MYO1D: variants seen among roughly 807,000 people sequenced by gnomAD.
MYO1D encodes unconventional myosin-Id.
Under a neutral mutation model 122.0 loss-of-function variants are expected in MYO1D, and 83 were observed. The observed-to-expected ratio is 0.68, with a 90% CI of 0.57 to 0.82. The LOEUF (loss-of-function observed/expected upper bound fraction) is 0.82, where lower values mean the gene tolerates loss of function less well. Among genes scored for constraint, MYO1D ranks in the 40% least tolerant of loss-of-function variants. The probability of loss-of-function intolerance (pLI) is 0.00; values close to 1 mark genes in which losing one functional copy is unlikely to be tolerated. For missense variants in MYO1D, 1,157 were observed against 1,269.5 expected (o/e 0.91, Z 1.35); for synonymous variants, 464 against 446.9 (o/e 1.04, Z -0.48).
intron 11 of MYO1D, among the ~76,000 whole-genome samples, chr17:32,750,161 A>G (rs2089883433): frequency 6.6e-6 from 1 of 152,220 alleles, no homozygotes; most frequent in African/African-American, 2.4e-5. Context: ...GAAGAGGAAT[A>G]GTTTATGGGA....
chr17:32,528,937 G>A (rs935008465), intron 21 of MYO1D: 2 of 152,270 alleles, frequency 1.3e-5, no homozygotes, highest in Non-Finnish European at 2.9e-5. Context: ...AAACATGTCT[G>A]TGGTTTAAAG....
intron 21 of MYO1D, among the ~76,000 whole-genome samples, chr17:32,566,255 G>T (rs2087172759): frequency 6.6e-6 from 1 of 152,196 alleles, no homozygotes; most frequent in South Asian, 2.1e-4. Flanking sequence ...AAACCAGAGT[G>T]CTAGAAGACG....
At chr17:32,712,899 AT>A (rs906908973) in intron 15 of MYO1D, among the ~76,000 whole-genome samples, 22 of 152,234 alleles carry the variant, frequency 1.4e-4, no homozygotes, top group African/African-American at 5.1e-4. Context: ...GTGACATCCT[AT>A]CACTTTTGCC....
chr17:32,845,179 C>T (rs2090924548), intron 1 of MYO1D, among the ~76,000 whole-genome samples: 1 of 152,094 alleles, frequency 6.6e-6, no homozygotes, highest in Non-Finnish European at 1.5e-5. Context: ...ATTAAGACCA[C>T]ATACTATTTT....
chr17:32,562,976 A>G (rs1327990822), intron 21 of MYO1D, among the ~76,000 whole-genome samples: 1 of 152,166 alleles, frequency 6.6e-6, no homozygotes, highest in African/African-American at 2.4e-5. Context: ...ATTTATATCA[A>G]TTACCTCTCA....
chr17:32,761,903 G>A (rs1391415573), intron 8 of MYO1D, among the ~76,000 whole-genome samples: 1 of 152,142 alleles, frequency 6.6e-6, no homozygotes, highest in African/African-American at 2.4e-5. Flanking sequence ...TATATAGTTT[G>A]TTAGAGATAC....
chr17:32,570,518 A>AT (rs926440303), intron 21 of MYO1D, among the ~76,000 whole-genome samples: 2 of 151,824 alleles, frequency 1.3e-5, no homozygotes, highest in Admixed American at 6.6e-5. Flanking sequence ...CACCCGCCAC[A>AT]TTTTTTTGTA....
At chr17:32,547,232 A>G (rs1484362192) in intron 21 of MYO1D, among the ~76,000 whole-genome samples, 1 of 152,170 alleles carries the variant, frequency 6.6e-6, no homozygotes, top group African/African-American at 2.4e-5. Flanking sequence ...TCAAAGCAGC[A>G]ATCAAGTCTT....
intron 13 of MYO1D, among the ~76,000 whole-genome samples, chr17:32,739,436 T>A (rs2089748028): frequency 7.4e-6 from 1 of 134,994 alleles, no homozygotes. Flanking sequence ...AGGTGGGAAT[T>A]GAACAATGAG....
At chr17:32,575,660 C>G (rs1567895486) in intron 21 of MYO1D, among the ~76,000 whole-genome samples, 1 of 152,110 alleles carries the variant, frequency 6.6e-6, no homozygotes, top group African/African-American at 2.4e-5. Context: ...GTGTGTTTCT[C>G]CTAACTTTGT....
chr17:32,605,034 T>C, intron 21 of MYO1D, 53 bp downstream of exon 21: 1 of 1,478,860 alleles, frequency 6.8e-7, no homozygotes, highest in Non-Finnish European at 9.2e-7. Flanking sequence ...ATAATTACGA[T>C]TAAAGATTTC....
intron 16 of MYO1D, among the ~76,000 whole-genome samples, chr17:32,669,760 A>G (rs958740552): frequency 7.9e-5 from 12 of 152,358 alleles, no homozygotes; most frequent in Admixed American, 5.9e-4. Context: ...CAGAAAACCT[A>G]GACTATGAAA....
chr17:32,699,021 G>A (rs894967479), intron 16 of MYO1D, among the ~76,000 whole-genome samples: 10 of 151,996 alleles, frequency 6.6e-5, no homozygotes, highest in Admixed American at 6.5e-4. Context: ...AGGTTGGAGT[G>A]CAGTGGTACC....
At position 32,725,067 on chromosome 17, in the gene MYO1D, C is replaced by T. The variant is rs1335501788; in HGVS notation, c.1747-3878G>A. On this transcript the variant is annotated intron_variant, in intron 14 of 21. Coordinates refer to ENST00000318217, the MANE Select transcript of MYO1D (RefSeq NM_015194.3). Reference sequence around the variant, plus strand: ...TTATCAGATAGAGATATTAAAATAACTATGCTTACCATGTTCAAGGTGACA... The same window carrying T: ...TTATCAGATAGAGATATTAAAATAATTATGCTTACCATGTTCAAGGTGACA... 2.6e-5 allele frequency among the ~76,000 whole-genome samples: 4 copies of T among 152,234 alleles called. No homozygotes were observed. The South Asian group carries it at 6.2e-4, about 24-fold the overall frequency.
chr17:32,583,151 G>T (rs1030936348), intron 21 of MYO1D, among the ~76,000 whole-genome samples: 10 of 152,082 alleles, frequency 6.6e-5, no homozygotes, highest in African/African-American at 2.4e-4. Flanking sequence ...ATTTTTGCTT[G>T]GTATGAAATT....
At chr17:32,507,551 A>G (rs1909542129) in intron 21 of MYO1D, among the ~76,000 whole-genome samples, 1 of 152,254 alleles carries the variant, frequency 6.6e-6, no homozygotes, top group Non-Finnish European at 1.5e-5. Context: ...GTGAATTAGC[A>G]TCACATAGAA....
intron 20 of MYO1D, among the ~76,000 whole-genome samples, chr17:32,629,284 TG>T (rs111850170): frequency 0.16 from 24,923 of 152,116 alleles, 2,188 homozygotes; most frequent in Middle Eastern, 0.24. Context: ...CTGTTCTGTG[TG>T]ATACTGTAAT....
rs534622304 is a variant in MYO1D at position 32,728,852 on chromosome 17, G to A, written c.1747-7663C>T. Reference sequence around the variant, plus strand: ...TTGAATGGACTATTACCAGTACTGAGTGATTACGCATAGGAAGTGGCAATA... The same window carrying A: ...TTGAATGGACTATTACCAGTACTGAATGATTACGCATAGGAAGTGGCAATA... On this transcript the variant is annotated intron_variant, in intron 14 of 21. Transcript: ENST00000318217. Among the ~76,000 whole-genome samples the A allele has an allele frequency of 1.1e-4, 16 of 152,276 alleles. No individual in the cohort carries two copies. The South Asian group carries it at 3.3e-3, about 32-fold the overall frequency.
At chr17:32,854,169 G>A (rs532095554) in intron 1 of MYO1D, among the ~76,000 whole-genome samples, 23 of 152,208 alleles carry the variant, frequency 1.5e-4, no homozygotes, top group African/African-American at 4.1e-4. Context: ...TTCACTCCAC[G>A]GAAAGTTTCT....
Sources: allele counts gnomAD v4.1 joint callset (sites outside exome capture counted in the v4.1 genomes callset), GRCh38; gene constraint gnomAD v4.1.1; transcripts MANE v1.5; gene names NCBI Gene and HGNC (gene_info 2026-07-23, HGNC 2026-07-21).